The following GPR37 variants were observed in gnomAD, a reference collection of about 807,000 sequenced individuals.
GPR37 encodes the protein prosaposin receptor GPR37.
GPR37 carries 20 observed loss-of-function variants against 43.6 expected under a neutral mutation model. The ratio of observed to expected loss-of-function variants is 0.46; its 90% CI spans 0.32 to 0.67. GPR37 has a LOEUF of 0.67. GPR37 is among the 30% of genes least tolerant of loss of function. The pLI is 0.03. For synonymous variants in GPR37, 315 were observed against 322.6 expected (o/e 0.98, Z 0.25); for missense variants, 724 against 797.2 (o/e 0.91, Z 1.11).
intron 1 of GPR37, among the ~76,000 whole-genome samples, chr7:124,751,355 G>A (rs1295788148): frequency 6.6e-6 from 1 of 151,984 alleles, no homozygotes. Context: ...ATTCACTTAC[G>A]CACTACATTT....
chr7:124,760,164 T>A (rs1793835450), intron 1 of GPR37, among the ~76,000 whole-genome samples: 1 of 151,990 alleles, frequency 6.6e-6, no homozygotes, highest in Non-Finnish European at 1.5e-5. Flanking sequence ...CATAAATCTA[T>A]AAGAAGGTAT....
At position 124,746,302 on chromosome 7, in the gene GPR37, A is replaced by G. The variant is rs994338568; in HGVS notation, c.*223T>C. On this transcript the variant is annotated 3_prime_UTR_variant, in exon 2 of 2. Coordinates refer to ENST00000303921, the MANE Select transcript of GPR37 (RefSeq NM_005302.5). ...AAATATTAGCACCATACCAGATAAA[A>G]TAATCTAAAACTATTGGCCTTCTCA... The G allele has an allele frequency of 5.1e-6, 2 of 392,726 alleles. No homozygotes were observed. Among genetic ancestry groups the G allele is most frequent in the Middle Eastern group, 6.7e-4 (1 of 1,502 alleles). 24.3% of individuals were successfully genotyped at this position (392,726 alleles called of 1,614,324 possible). A position where few individuals can be genotyped will look rare whatever the true frequency, so the allele number is the denominator to read the frequency against.
At chr7:124,753,566 A>G (rs1793755828) in intron 1 of GPR37, among the ~76,000 whole-genome samples, 1 of 152,128 alleles carries the variant, frequency 6.6e-6, no homozygotes, top group Non-Finnish European at 1.5e-5. Flanking sequence ...AAACCTATAA[A>G]GTATGGAGGA....
chr7:124,757,303 G>A (rs1249976066), intron 1 of GPR37, among the ~76,000 whole-genome samples: 2 of 152,078 alleles, frequency 1.3e-5, no homozygotes, highest in Non-Finnish European at 2.9e-5. Context: ...TAATTTTGAC[G>A]TATTTAGTGT....
At chr7:124,761,938 A>T (rs1793856162) in intron 1 of GPR37, among the ~76,000 whole-genome samples, 1 of 152,172 alleles carries the variant, frequency 6.6e-6, no homozygotes, top group Non-Finnish European at 1.5e-5. Context: ...TGAATTTTTT[A>T]AGCCTTTGAT....
At chr7:124,748,565 G>C (rs1342889503) in intron 1 of GPR37, among the ~76,000 whole-genome samples, 2 of 152,030 alleles carry the variant, frequency 1.3e-5, no homozygotes, top group Non-Finnish European at 2.9e-5. Flanking sequence ...TCAGACATAA[G>C]AAGTATATTT....
Position 124,744,141 on chromosome 7 carries a change from A to C in GPR37, c.*2384T>G, listed in dbSNP as rs528436804. 1 of 152,202 alleles carries C rather than the reference A, an allele frequency of 6.6e-6. No individual in the cohort carries two copies. The highest frequency in any genetic ancestry group is 2.4e-5 in the African/African-American group (1 of 41,546). 9.4% of individuals were successfully genotyped at this position (152,202 alleles called of 1,614,324 possible). On this transcript the variant is annotated 3_prime_UTR_variant, in exon 2 of 2. Coordinates refer to ENST00000303921, the MANE Select transcript of GPR37 (RefSeq NM_005302.5). The stretch of plus-strand genomic sequence containing the variant: ...AAAGGCAAGTATAAATGAAAAAAGA[A>C]ATTTAAGTTCCTGCTGCCTCCATTG...
chr7:124,764,919 G>A lies in GPR37; in HGVS notation c.58C>T (p.Leu20Phe). 3.8e-6 allele frequency: 6 copies of A among 1,572,868 alleles called. No individual in the cohort carries two copies. Among genetic ancestry groups the A allele is most frequent in the Non-Finnish European group, 5.2e-6 (6 of 1,161,874 alleles). The change falls in exon 1 of 2, where the codon CTC becomes TTC. Residue 20 changes from leucine (L) to phenylalanine (F), a missense_variant. By Grantham distance (22) the Leu-to-Phe change is conservative. This residue lies in a region of GPR37 where 382 missense variants were observed against 355.4 expected (regional missense o/e 1.07). Coordinates refer to ENST00000303921, the MANE Select transcript of GPR37 (RefSeq NM_005302.5). This position sits in a 1 kb window ranked among gnomAD's most constrained non-coding sequence, Gnocchi z 5.4. The part of the protein sequence containing the change: ...RMSRLLLLLL[L>F]KVSASSALGV... ...AGGGCAGAAGAGGCAGACACCTTGA[G>A]CAGTAGCAGAAGCAGTAGCCGCGAC...
At position 124,765,130 on chromosome 7, in the gene GPR37, G is replaced by T; in HGVS notation, c.-154C>A. On this transcript the variant is annotated 5_prime_UTR_variant, in exon 1 of 2. Transcript: ENST00000303921. ...AGATTAGGGTGATAGCGGAAGATCGGTCTTGGGGGTCACACACACGCCCCC... is the reference window on the plus strand; with the variant it reads ...AGATTAGGGTGATAGCGGAAGATCGTTCTTGGGGGTCACACACACGCCCCC... The T allele has an allele frequency of 1.6e-6, 1 of 625,266 alleles. No homozygotes were observed. Among genetic ancestry groups the T allele is most frequent in the Non-Finnish European group, 2.6e-6 (1 of 387,808 alleles). 38.7% of individuals were successfully genotyped at this position (625,266 alleles called of 1,614,324 possible).
intron 1 of GPR37, among the ~76,000 whole-genome samples, chr7:124,751,019 C>T (rs986876544): frequency 1.3e-5 from 2 of 152,092 alleles, no homozygotes; most frequent in African/African-American, 4.8e-5. Context: ...TTTGATAAAT[C>T]ATGAATTAAG....
At position 124,761,188 on chromosome 7, in the gene GPR37, G is replaced by A. The variant is rs558361188; in HGVS notation, c.1023+2766C>T. Among the ~76,000 whole-genome samples, 5 of 149,946 alleles carry A rather than the reference G, an allele frequency of 3.3e-5. No individual in the cohort carries two copies. In the South Asian group the frequency reaches 8.4e-4, roughly 25 times the overall value. ...AAAAAAAAAAAAAGCTACTGTAGTG[G>A]ATGCTGTGGTTTTCCACCCAGACAG... On this transcript the variant is annotated intron_variant, in intron 1 of 1. Coordinates refer to ENST00000303921, the MANE Select transcript of GPR37 (RefSeq NM_005302.5).
Position 124,763,980 on chromosome 7 carries a change from A to C in GPR37, c.997T>G (p.Ser333Ala), listed in dbSNP as rs200405250. The change falls in exon 1 of 2, where the codon TCC (serine) becomes GCC (alanine). Residue 333 changes from serine (S) to alanine (A), a missense_variant. Physicochemically the swap from Ser to Ala is moderately conservative, Grantham distance 99. Around this residue, in one of 2 missense-constraint regions of GPR37, gnomAD observed 342 missense variants for 441.8 expected, o/e 0.77. Transcript: ENST00000303921. ...LTKKWLLEDF[S>A]CKIVPYIEVA... ...TCTATATAGGGCACGATCTTGCAGG[A>C]GAAGTCCTCCAGCAGCCACTTCTTG... 1 of 1,614,058 alleles carries C rather than the reference A, an allele frequency of 6.2e-7. No individual in the cohort carries two copies. The highest frequency in any genetic ancestry group is 2.2e-5 in the East Asian group (1 of 44,876).
chr7:124,746,832 T>C lies in GPR37; in HGVS notation c.1535A>G (p.Asn512Ser). 1 of 1,614,070 alleles carries C rather than the reference T, an allele frequency of 6.2e-7. No individual in the cohort carries two copies. The highest frequency in any genetic ancestry group is 8.5e-7 in the Non-Finnish European group (1 of 1,179,956). ...TGTAGCCATGTAGGCAGTAACAATG[T>C]TGCAGATATTTTCAGGAATAATGCA... ...GFCIIPENIC[N>S]IVTAYMATGV... The change falls in exon 2 of 2, where the codon AAC becomes AGC. Residue 512 changes from asparagine (N) to serine (S), a missense_variant. Asn to Ser is a conservative substitution (Grantham distance 46). Around this residue, in one of 2 missense-constraint regions of GPR37, gnomAD observed 342 missense variants for 441.8 expected, o/e 0.77. Coordinates refer to ENST00000303921, the MANE Select transcript of GPR37 (RefSeq NM_005302.5).
In GPR37 at chr7:124,763,961, T is replaced by C. The variant is rs767736051; in HGVS notation, c.1016A>G (p.Tyr339Cys). Reference protein sequence around the residue: ...LEDFSCKIVPYIEVASLGVTT... With the variant: ...LEDFSCKIVPCIEVASLGVTT... ...GCCCCTGGAAGGCATTACCTCTATA[T>C]AGGGCACGATCTTGCAGGAGAAGTC... The change falls in exon 1 of 2, where the codon TAT becomes TGT. Residue 339 changes from tyrosine to cysteine, a missense_variant. Tyr to Cys is a radical substitution (Grantham distance 194, BLOSUM62 -2). This residue lies in a region of GPR37 where 342 missense variants were observed against 441.8 expected (regional missense o/e 0.77). Transcript: ENST00000303921. 1.9e-6 allele frequency: 3 copies of C among 1,613,808 alleles called. No homozygotes were observed. Among genetic ancestry groups the C allele is most frequent in the East Asian group, 4.5e-5 (2 of 44,850 alleles).
chr7:124,760,724 A>G (rs1236073799), intron 1 of GPR37, among the ~76,000 whole-genome samples: 1 of 152,228 alleles, frequency 6.6e-6, no homozygotes, highest in Non-Finnish European at 1.5e-5. Context: ...AAATATAAAC[A>G]TGAAGCATTG....
chr7:124,752,953 T>C (rs976501045), intron 1 of GPR37, among the ~76,000 whole-genome samples: 2 of 151,994 alleles, frequency 1.3e-5, no homozygotes, highest in African/African-American at 4.8e-5. Context: ...TTGACATACA[T>C]AGTAACCCTT....
At chr7:124,748,769 A>C (rs533803269) in intron 1 of GPR37, among the ~76,000 whole-genome samples, 6 of 152,298 alleles carry the variant, frequency 3.9e-5, no homozygotes, top group Non-Finnish European at 8.8e-5. Context: ...CACTGCTCTT[A>C]TAAGCATATG....
chr7:124,759,751 C>T (rs937827531), intron 1 of GPR37, among the ~76,000 whole-genome samples: 4 of 152,148 alleles, frequency 2.6e-5, no homozygotes, highest in South Asian at 2.1e-4. Context: ...TTCTCACTCA[C>T]GGCAATATTA....
At chr7:124,759,345 G>A (rs1793827325) in intron 1 of GPR37, among the ~76,000 whole-genome samples, 1 of 152,080 alleles carries the variant, frequency 6.6e-6, no homozygotes, top group South Asian at 2.1e-4. Flanking sequence ...GAGATTACAG[G>A]GGTGTGCCAC....
Sources: gnomAD v4.1 joint callset for allele counts (sites outside exome capture counted in the v4.1 genomes callset) on GRCh38, gnomAD v4.1.1 for gene constraint, gnomAD v4.1.1 regional missense constraint, Gnocchi (gnomAD v3.1) non-coding constraint, MANE v1.5 for transcripts, NCBI Gene and HGNC (gene_info 2026-07-23, HGNC 2026-07-21) for gene names.